STAU1: variants seen among roughly 807,000 people sequenced by gnomAD.
The protein encoded by STAU1 is double-stranded RNA-binding protein Staufen homolog 1.
A neutral mutation model predicts 62.9 loss-of-function variants in STAU1; 13 were observed. That is an observed-to-expected ratio of 0.21 (90% CI 0.13 to 0.33). STAU1 has a LOEUF of 0.33. Ranked by LOEUF, STAU1 falls within the 10% of genes least tolerant of loss-of-function variation. The probability of loss-of-function intolerance (pLI) is 1.00; values close to 1 mark genes in which losing one functional copy is unlikely to be tolerated. For missense variants in STAU1, 571 were observed against 712.1 expected, an observed-to-expected ratio of 0.80 and a Z score of 2.25; for synonymous variants, 269 against 265.1, an observed-to-expected ratio of 1.01 and a Z score of -0.14.
chr20:49,126,945 G>A (rs1280827975), intron 6 of STAU1, among the ~76,000 whole-genome samples: 1 of 152,096 alleles, frequency 6.6e-6, no homozygotes, highest in African/African-American at 2.4e-5. Context: ...ACTTAAATGT[G>A]ATCTAAACTA....
chr20:49,169,072 T>A (rs192381046), intron 2 of STAU1, among the ~76,000 whole-genome samples: 8 of 152,038 alleles, frequency 5.3e-5, no homozygotes, highest in Admixed American at 2.0e-4. Flanking sequence ...TGCCTTAGTC[T>A]CCCGAGTACT....
intron 5 of STAU1, among the ~76,000 whole-genome samples, chr20:49,141,778 G>A (rs1038215062): frequency 6.6e-6 from 1 of 152,096 alleles, no homozygotes; most frequent in Non-Finnish European, 1.5e-5. Flanking sequence ...CAAAAAAAGA[G>A]GCAATGAAGG....
upstream of STAU1, among the ~76,000 whole-genome samples, chr20:49,189,157 C>T (rs1272402930): frequency 1.6e-4 from 20 of 121,478 alleles, no homozygotes; most frequent in Non-Finnish European, 2.9e-4. Context: ...GAGCTGAGAT[C>T]GCGCCGCTGC....
chr20:49,211,368 C>CTTT, the STAU1 span, among the ~76,000 whole-genome samples: 2 of 138,778 alleles, frequency 1.4e-5, no homozygotes, highest in Non-Finnish European at 3.1e-5. Flanking sequence ...TATAGTAATT[C>CTTT]TTTTTTTTTT....
Position 49,151,737 on chromosome 20 carries a change from G to A in STAU1, c.355C>T (p.Pro119Ser). ...GGAYPPRYFY[P>S]FPVPPLLYQV... ...TAAAGTAAAGGTGGAACTGGAAATG[G>A]GTAAAAGTACCTAGAAATAAAAGGA... The change falls in exon 5 of 14, where the codon CCA (proline) becomes TCA (serine). Residue 119 changes from proline to serine, a missense_variant. This residue lies in a region of STAU1 where 414 missense variants were observed against 499.6 expected (regional missense o/e 0.83). Transcript: ENST00000371856. The A allele has an allele frequency of 6.2e-7, 1 of 1,607,400 alleles. No individual in the cohort carries two copies. The highest frequency in any genetic ancestry group is 8.5e-7 in the Non-Finnish European group (1 of 1,177,768).
intron 1 of STAU1, among the ~76,000 whole-genome samples, chr20:49,185,871 GT>G (rs934212239): frequency 4.0e-5 from 6 of 151,608 alleles, no homozygotes; most frequent in Non-Finnish European, 7.4e-5. Context: ...TTGCTTATGT[GT>G]TTTTTTTGTT....
rs376113965 is a variant in STAU1, at chr20:49,177,817, G to A, written c.-159-3548C>T. Among the ~76,000 whole-genome samples, 15 of 152,254 alleles carry A rather than the reference G, an allele frequency of 9.9e-5. 1 individual carries two copies. The highest frequency in any genetic ancestry group is 8.3e-4 in the South Asian group (4 of 4,824). On this transcript the variant is annotated intron_variant, in intron 1 of 13. Coordinates refer to ENST00000371856, the MANE Select transcript of STAU1 (RefSeq NM_017453.4). ...TTAGCAAAGAAAGAAGAGAGAGAGAGAGGGGAGAAATACAGCAGTCATTTG... is the reference window on the plus strand; with the variant it reads ...TTAGCAAAGAAAGAAGAGAGAGAGAAAGGGGAGAAATACAGCAGTCATTTG...
At chr20:49,216,069 AAAG>A in the STAU1 span, among the ~76,000 whole-genome samples, 1 of 150,906 alleles carries the variant, frequency 6.6e-6, no homozygotes, top group Non-Finnish European at 1.5e-5. Context: ...AAGAAGAGAA[AAAG>A]AAGAAGAAAA....
upstream of STAU1, among the ~76,000 whole-genome samples, chr20:49,190,496 G>C (rs1006012948): frequency 1.3e-5 from 2 of 152,034 alleles, no homozygotes; most frequent in Admixed American, 6.6e-5. Context: ...GTTGCCCAGG[G>C]TCTTACTAAG....
In STAU1 at chr20:49,135,833, C is replaced by G; in HGVS notation, c.609G>C (p.Glu203Asp). ...ALKRNLPVNFEVARESGPPHM... is the reference protein window; with the variant it reads ...ALKRNLPVNFDVARESGPPHM... ...AGTCCTACATGTAAAATTAGCTTAC[C>G]TCGAAATTCACAGGCAAGTTCCGTT... The change falls in exon 6 of 14, where the codon GAG becomes GAC. Residue 203 changes from glutamate to aspartate, a missense_variant and splice_region_variant. Physicochemically the swap from Glu to Asp is conservative, Grantham distance 45 (BLOSUM62 2). Around this residue, in one of 3 missense-constraint regions of STAU1, gnomAD observed 414 missense variants for 499.6 expected, o/e 0.83. Coordinates refer to ENST00000371856, the MANE Select transcript of STAU1 (RefSeq NM_017453.4). 2 of 1,611,702 alleles carry G rather than the reference C, an allele frequency of 1.2e-6. No homozygotes were observed. Among genetic ancestry groups the G allele is most frequent in the South Asian group, 2.2e-5 (2 of 90,588 alleles).
chr20:49,179,243 A>G (rs900788267), intron 1 of STAU1: 3 of 126,788 alleles, frequency 2.4e-5, no homozygotes, highest in Admixed American at 7.8e-5. Flanking sequence ...GCAAAACTCC[A>G]CCTCAAAAAA....
Position 49,187,788 on chromosome 20 carries a change from C to G in STAU1, c.-160+328G>C, listed in dbSNP as rs968883359. Among the ~76,000 whole-genome samples the G allele has an allele frequency of 3.4e-5, 5 of 148,924 alleles. No individual in the cohort carries two copies. In the South Asian group the frequency reaches 6.5e-4, roughly 19 times the overall value. Reference sequence around the variant, plus strand: ...TGAAGCAGGGACCCCCCCCCCCCCCCGCCTGCGCCCCAGCCCCGGGAATAA... The same window carrying G: ...TGAAGCAGGGACCCCCCCCCCCCCCGGCCTGCGCCCCAGCCCCGGGAATAA... On this transcript the variant is annotated intron_variant, in intron 1 of 13. Coordinates refer to ENST00000371856, the MANE Select transcript of STAU1 (RefSeq NM_017453.4).
At chr20:49,217,279 C>G in the STAU1 span, among the ~76,000 whole-genome samples, 1 of 152,114 alleles carries the variant, frequency 6.6e-6, no homozygotes, top group Non-Finnish European at 1.5e-5. Context: ...GTGCTCCGTT[C>G]TCTCTCACAT....
At chr20:49,203,389 A>T in the STAU1 span, among the ~76,000 whole-genome samples, 1 of 152,088 alleles carries the variant, frequency 6.6e-6, no homozygotes, top group Admixed American at 6.6e-5. Flanking sequence ...CAATAGAGAA[A>T]ATCTGTGAAA....
At chr20:49,199,296 T>G in the STAU1 span, among the ~76,000 whole-genome samples, 1 of 150,980 alleles carries the variant, frequency 6.6e-6, no homozygotes, top group Non-Finnish European at 1.5e-5. Context: ...AGTGGCGCGA[T>G]CTCGGCTCAC....
chr20:49,125,059 G>A (rs184027915), intron 6 of STAU1, among the ~76,000 whole-genome samples: 12 of 91,734 alleles, frequency 1.3e-4, no homozygotes, highest in East Asian at 6.1e-4. Flanking sequence ...GGGATTCCCC[G>A]CACACATTAA....
intron 2 of STAU1, among the ~76,000 whole-genome samples, chr20:49,169,595 C>T (rs2093571762): frequency 6.6e-6 from 1 of 152,162 alleles, no homozygotes; most frequent in Non-Finnish European, 1.5e-5. Flanking sequence ...TTGTTAGAGT[C>T]TTCTTAGAGA....
chr20:49,135,877 C>T lies in STAU1; in HGVS notation c.565G>A (p.Val189Met), dbSNP rs774871261. ...TTCCGTTTAAGTGCAATCTCAAACA[C>T]TTGACTTATTTCAGATTTATTGAGA... ...ENLNKSEISQ[V>M]FEIALKRNLP... Residue 189 changes from valine (V) to methionine (M), a missense_variant, in exon 6 of 14, where the codon GTG becomes ATG. By Grantham distance (21) the Val-to-Met change is conservative. Around this residue, in one of 3 missense-constraint regions of STAU1, gnomAD observed 414 missense variants for 499.6 expected, o/e 0.83. Transcript: ENST00000371856. The T allele has an allele frequency of 9.9e-6, 16 of 1,613,978 alleles. No homozygotes were observed. Among genetic ancestry groups the T allele is most frequent in the Non-Finnish European group, 1.4e-5 (16 of 1,179,994 alleles).
chr20:49,216,197 G>A, the STAU1 span, among the ~76,000 whole-genome samples: 1 of 151,400 alleles, frequency 6.6e-6, no homozygotes, highest in Non-Finnish European at 1.5e-5. Context: ...CCAGTCCAGT[G>A]TGGGCAACAT....
Sources: allele counts gnomAD v4.1 joint callset (sites outside exome capture counted in the v4.1 genomes callset), GRCh38; gene constraint gnomAD v4.1.1; regional missense constraint gnomAD v4.1.1; transcripts MANE v1.5; gene names NCBI Gene and HGNC (gene_info 2026-07-23, HGNC 2026-07-21).